The following SNTG1 variants were observed in gnomAD, a reference collection of about 807,000 sequenced individuals.
SNTG1 encodes gamma-1-syntrophin.
A neutral mutation model predicts 74.7 loss-of-function variants in SNTG1; 39 were observed. That is an observed-to-expected ratio of 0.52 (90% CI 0.40 to 0.68). SNTG1 has a LOEUF of 0.68. Ranked by LOEUF, SNTG1 falls within the 30% of genes least tolerant of loss-of-function variation. The pLI is 0.00. For synonymous variants in SNTG1, 254 were observed against 217.1 expected, an observed-to-expected ratio of 1.17 and a Z score of -1.49; for missense variants, 685 against 609.5, an observed-to-expected ratio of 1.12 and a Z score of -1.30.
intron 15 of SNTG1, among the ~76,000 whole-genome samples, chr8:50,676,447 C>T (rs1047623622): frequency 5.3e-5 from 8 of 151,934 alleles, no homozygotes; most frequent in African/African-American, 1.9e-4. Flanking sequence ...TCACAAAGTT[C>T]TCGTGCTGTG....
At chr8:50,678,791 T>G (rs978213780) in intron 15 of SNTG1, among the ~76,000 whole-genome samples, 5 of 152,152 alleles carry the variant, frequency 3.3e-5, no homozygotes, top group African/African-American at 1.2e-4. Flanking sequence ...TTGTTCATAA[T>G]TTTTTGTAAA....
At chr8:50,481,284 G>GGCGGGAGAATTGCTT (rs1188767979) in intron 8 of SNTG1, among the ~76,000 whole-genome samples, 1 of 152,144 alleles carries the variant, frequency 6.6e-6, no homozygotes, top group Non-Finnish European at 1.5e-5. Context: ...GGGAGGCTGA[G>GGCGGGAGAATTGCTT]GCGGGAGAAT....
At chr8:50,334,412 A>G (rs2091070504) in intron 2 of SNTG1, among the ~76,000 whole-genome samples, 1 of 152,154 alleles carries the variant, frequency 6.6e-6, no homozygotes, top group Admixed American at 6.5e-5. Context: ...AACAAAAGCA[A>G]GCTGCCTTCA....
intron 13 of SNTG1, among the ~76,000 whole-genome samples, chr8:50,645,251 T>C (rs28736522): frequency 0.21 from 32,046 of 151,948 alleles, 3,729 homozygotes; most frequent in African/African-American, 0.3. Context: ...CTCTCTTCAA[T>C]TGTGTATAAA....
At position 50,272,745 on chromosome 8, in the gene SNTG1, T is replaced by C. The variant is rs546604610; in HGVS notation, c.-28+100110T>C. Among the ~76,000 whole-genome samples, 5 of 152,274 alleles carry C rather than the reference T, an allele frequency of 3.3e-5. No individual in the cohort carries two copies. In the South Asian group the frequency reaches 1.0e-3, roughly 32 times the overall value. On this transcript the variant is annotated intron_variant, in intron 2 of 18. Transcript: ENST00000642720. Reference sequence around the variant, plus strand: ...TCATACAACTTGTAATTCTACACTTTCTTTTTTTATAGACAGAGTCTTTCT... The same window carrying C: ...TCATACAACTTGTAATTCTACACTTCCTTTTTTTATAGACAGAGTCTTTCT...
At chr8:50,537,103 T>C (rs1043191366) in intron 11 of SNTG1, among the ~76,000 whole-genome samples, 2 of 152,128 alleles carry the variant, frequency 1.3e-5, no homozygotes, top group Non-Finnish European at 2.9e-5. Context: ...CTCAAGAATA[T>C]TGCATAGTTT....
intron 1 of SNTG1, among the ~76,000 whole-genome samples, chr8:50,024,837 A>C (rs1218604668): frequency 6.6e-6 from 1 of 152,140 alleles, no homozygotes; most frequent in African/African-American, 2.4e-5. Flanking sequence ...TGGGTGGGCA[A>C]GTAGTGTAGA....
At position 50,525,021 on chromosome 8, in the gene SNTG1, A is replaced by G. The variant is rs548313920; in HGVS notation, c.467-5156A>G. On this transcript the variant is annotated intron_variant, in intron 9 of 18. Transcript: ENST00000642720. ...TTTCTATCTAGTGTTCTTTTACTTC[A>G]ATTTGAAGAATTGTCTTTAGCAATT... Among the ~76,000 whole-genome samples the G allele has an allele frequency of 8.7e-4, 132 of 152,088 alleles. 2 individuals carry two copies. In the Middle Eastern group the frequency reaches 0.01, roughly 12 times the overall value.
At chr8:49,951,554 A>G (rs950167924) in intron 1 of SNTG1, among the ~76,000 whole-genome samples, 9 of 151,644 alleles carry the variant, frequency 5.9e-5, no homozygotes, top group South Asian at 2.1e-4. Context: ...TGGGAATTGA[A>G]CAATGAGATC....
intron 2 of SNTG1, among the ~76,000 whole-genome samples, chr8:50,185,326 G>A (rs2083339999): frequency 6.6e-6 from 1 of 152,166 alleles, no homozygotes. Context: ...TGCCATGACT[G>A]TAAGTTTCCT....
intron 1 of SNTG1, among the ~76,000 whole-genome samples, chr8:50,097,203 C>G (rs2079959616): frequency 6.6e-6 from 1 of 151,960 alleles, no homozygotes; most frequent in South Asian, 2.1e-4. Context: ...ATCTCCTGAC[C>G]TCGTGATCCG....
At chr8:50,170,835 T>C (rs2131645670) in intron 1 of SNTG1, among the ~76,000 whole-genome samples, 1 of 152,288 alleles carries the variant, frequency 6.6e-6, no homozygotes, top group Non-Finnish European at 1.5e-5. Context: ...GGCCAAGGGC[T>C]GCTCTGGGTT....
At chr8:50,074,459 T>C (rs1387599011) in intron 1 of SNTG1, among the ~76,000 whole-genome samples, 3 of 152,190 alleles carry the variant, frequency 2.0e-5, no homozygotes, top group Non-Finnish European at 4.4e-5. Context: ...TTCAATATTG[T>C]TGTGGCTTTG....
intron 15 of SNTG1, among the ~76,000 whole-genome samples, chr8:50,667,039 A>G (rs530653357): frequency 6.6e-6 from 1 of 152,034 alleles, no homozygotes; most frequent in Non-Finnish European, 1.5e-5. Context: ...TTCTTATAAT[A>G]TGGTTTAAAA....
At chr8:50,780,211 G>C (rs1585776921) in intron 18 of SNTG1, among the ~76,000 whole-genome samples, 3 of 152,192 alleles carry the variant, frequency 2.0e-5, no homozygotes, top group Non-Finnish European at 4.4e-5. Flanking sequence ...GATGATGCTG[G>C]CCTCTTAAAA....
chr8:50,463,509 T>C (rs191502299), intron 8 of SNTG1, among the ~76,000 whole-genome samples: 1 of 152,304 alleles, frequency 6.6e-6, no homozygotes, highest in East Asian at 1.9e-4. Flanking sequence ...CCATTAGGGC[T>C]CTTGGGCGAG....
chr8:50,540,802 A>T (rs1263820050), intron 11 of SNTG1, among the ~76,000 whole-genome samples: 1 of 152,108 alleles, frequency 6.6e-6, no homozygotes, highest in African/African-American at 2.4e-5. Flanking sequence ...AATAAAAAAC[A>T]GATTTCTATT....
rs570722936 is a variant in SNTG1, at chr8:50,501,710, G to C, written c.364-1068G>C. 1.1e-4 allele frequency among the ~76,000 whole-genome samples: 17 copies of C among 150,830 alleles called. No homozygotes were observed. In the South Asian group the frequency reaches 1.2e-3, roughly 11 times the overall value. On this transcript the variant is annotated intron_variant, in intron 8 of 18. Coordinates refer to ENST00000642720, the MANE Select transcript of SNTG1 (RefSeq NM_018967.5). ...AGACCTCAGATGATCCACCTGCCTC[G>C]GTCTCCCAAAGTGCTGGGATTGCAG... is the stretch of plus-strand genomic sequence containing the variant.
intron 5 of SNTG1, among the ~76,000 whole-genome samples, chr8:50,441,966 T>C (rs944223599): frequency 6.6e-6 from 1 of 152,136 alleles, no homozygotes; most frequent in African/African-American, 2.4e-5. Flanking sequence ...TGTTTCTCCA[T>C]GTTAATTCTA....
Sources: allele counts gnomAD v4.1 joint callset (sites outside exome capture counted in the v4.1 genomes callset), GRCh38; gene constraint gnomAD v4.1.1; transcripts MANE v1.5; gene names NCBI Gene and HGNC (gene_info 2026-07-23, HGNC 2026-07-21).